The following CSMD1 variants were observed in gnomAD, a reference collection of about 807,000 sequenced individuals.
CSMD1 encodes CUB and Sushi multiple domains 1, also known as CUB and sushi domain-containing protein 1.
Under a neutral mutation model 417.5 loss-of-function variants are expected in CSMD1, and 213 were observed. That is an observed-to-expected ratio of 0.51 (90% CI 0.46 to 0.57). The LOEUF (loss-of-function observed/expected upper bound fraction) is 0.57, where lower values mean the gene tolerates loss of function less well. CSMD1 is among the 20% of genes least tolerant of loss of function. CSMD1 has a pLI of 0.00. For missense variants in CSMD1, 6,923 were observed against 4,529.7 expected (o/e 1.53, Z -15.17); for synonymous variants, 2,862 against 1,736.8 (o/e 1.65, Z -16.11).
At chr8:4,932,949 A>T (rs923249230) in intron 1 of CSMD1, among the ~76,000 whole-genome samples, 2 of 152,206 alleles carry the variant, frequency 1.3e-5, no homozygotes, top group African/African-American at 4.8e-5. Flanking sequence ...CATAACATGT[A>T]TCTAGCCAAA....
At position 3,804,105 on chromosome 8, in the gene CSMD1, T is replaced by A. The variant is rs1014326044; in HGVS notation, c.819-50063A>T. ...CCACATCCAGCTATTTTTTTTGTTA[T>A]ATTTTTAGTAGAGACAGGGTTTCAC... On this transcript the variant is annotated intron_variant, in intron 5 of 69. Coordinates refer to ENST00000635120, the MANE Select transcript of CSMD1 (RefSeq NM_033225.6). Among the ~76,000 whole-genome samples, 44 of 152,100 alleles carry A rather than the reference T, an allele frequency of 2.9e-4. 1 individual carries two copies. The highest frequency in any genetic ancestry group is 3.4e-3 in the Middle Eastern group (1 of 294).
intron 5 of CSMD1, among the ~76,000 whole-genome samples, chr8:3,873,211 C>G (rs1219948767): frequency 6.6e-6 from 1 of 152,048 alleles, no homozygotes; most frequent in Non-Finnish European, 1.5e-5. Context: ...GGCTATGTAG[C>G]CAAAGGAACA....
chr8:3,640,644 A>C (rs1797260311), intron 7 of CSMD1, among the ~76,000 whole-genome samples: 1 of 152,244 alleles, frequency 6.6e-6, no homozygotes, highest in Non-Finnish European at 1.5e-5. Flanking sequence ...TACGTAAATT[A>C]GATATTCCTT....
At position 3,434,819 on chromosome 8, in the gene CSMD1, T is replaced by G. The variant is rs543471625; in HGVS notation, c.1562-25214A>C. ...CTTACACTTCTCGCCTATATTTCTATGAGTCAGAGTGCTGGCAGGAAGTGG... is the reference window on the plus strand; with the variant it reads ...CTTACACTTCTCGCCTATATTTCTAGGAGTCAGAGTGCTGGCAGGAAGTGG... On this transcript the variant is annotated intron_variant, in intron 12 of 69. Transcript: ENST00000635120. Among the ~76,000 whole-genome samples, 4 of 152,308 alleles carry G rather than the reference T, an allele frequency of 2.6e-5. No homozygotes were observed. In the East Asian group the frequency reaches 7.7e-4, roughly 29 times the overall value.
In CSMD1 at chr8:3,348,071, T is replaced by G; in HGVS notation, c.3395A>C (p.Tyr1132Ser). ...CTTGCCGGCTTCTGTTTCTATTTTA[T>G]AGATACACTCATGGTTATTATCATA... is the stretch of plus-strand genomic sequence containing the variant. ...SNYDNNHECI[Y>S]KIETEAGKGI... is the part of the protein sequence containing the mutation. Residue 1132 changes from tyrosine (Y) to serine (S), a missense_variant, in exon 22 of 70, where the codon TAT becomes TCT. Coordinates refer to ENST00000635120, the MANE Select transcript of CSMD1 (RefSeq NM_033225.6). 6.2e-7 allele frequency: 1 copy of G among 1,612,864 alleles called. No individual in the cohort carries two copies. Among genetic ancestry groups the G allele is most frequent in the Non-Finnish European group, 8.5e-7 (1 of 1,179,304 alleles).
chr8:3,813,523 C>A (rs1036535140), intron 5 of CSMD1, among the ~76,000 whole-genome samples: 2 of 152,136 alleles, frequency 1.3e-5, no homozygotes, highest in African/African-American at 4.8e-5. Flanking sequence ...AATATGAAGA[C>A]TGATCCATCT....
intron 1 of CSMD1, among the ~76,000 whole-genome samples, chr8:4,860,624 A>T (rs1240296009): frequency 6.6e-6 from 1 of 152,098 alleles, no homozygotes; most frequent in African/African-American, 2.4e-5. Context: ...CCAGTCTCTG[A>T]CATATTTCTT....
intron 4 of CSMD1, among the ~76,000 whole-genome samples, chr8:4,029,062 A>G (rs1004260808): frequency 6.6e-6 from 1 of 152,242 alleles, no homozygotes; most frequent in African/African-American, 2.4e-5. Flanking sequence ...GAAGACTGAC[A>G]GTGTTGAAAG....
intron 25 of CSMD1, among the ~76,000 whole-genome samples, chr8:3,298,947 T>C (rs188617145): frequency 3.9e-5 from 6 of 152,286 alleles, no homozygotes; most frequent in African/African-American, 1.2e-4. Flanking sequence ...GTTTTTATGC[T>C]ATATGCTAAT....
At chr8:4,416,989 C>T (rs1381243139) in intron 3 of CSMD1, among the ~76,000 whole-genome samples, 1 of 152,020 alleles carries the variant, frequency 6.6e-6, no homozygotes. Flanking sequence ...AGCTATGCAA[C>T]TATGTTGGTT....
intron 3 of CSMD1, among the ~76,000 whole-genome samples, chr8:4,281,480 G>T (rs1366389169): frequency 2.6e-5 from 4 of 152,160 alleles, no homozygotes; most frequent in African/African-American, 9.7e-5. Context: ...CCAACCTTCT[G>T]TTTCAAATTT....
chr8:4,477,665 A>G (rs564257294), intron 2 of CSMD1, among the ~76,000 whole-genome samples: 57 of 152,290 alleles, frequency 3.7e-4, no homozygotes, highest in Non-Finnish European at 6.3e-4. Flanking sequence ...GGGTACTGGA[A>G]GTGACGCAAG....
At chr8:3,988,149 T>C (rs1321483185) in intron 5 of CSMD1, among the ~76,000 whole-genome samples, 1 of 152,118 alleles carries the variant, frequency 6.6e-6, no homozygotes, top group Non-Finnish European at 1.5e-5. Flanking sequence ...GCTGGGCAGT[T>C]GGGCTGGTTC....
At chr8:4,134,459 G>C (rs550382524) in intron 3 of CSMD1, among the ~76,000 whole-genome samples, 2 of 152,176 alleles carry the variant, frequency 1.3e-5, no homozygotes, top group Non-Finnish European at 2.9e-5. Flanking sequence ...AGAAAGACCT[G>C]AGGAGATACC....
intron 1 of CSMD1, among the ~76,000 whole-genome samples, chr8:4,720,837 A>G (rs1336345223): frequency 1.3e-5 from 2 of 152,214 alleles, no homozygotes; most frequent in African/African-American, 4.8e-5. Flanking sequence ...ACACAGAAGG[A>G]AAGTCTAGAA....
At chr8:4,056,552 T>C (rs1466258233) in intron 3 of CSMD1, among the ~76,000 whole-genome samples, 3 of 152,082 alleles carry the variant, frequency 2.0e-5, no homozygotes, top group Non-Finnish European at 4.4e-5. Context: ...ATTATTATTA[T>C]AGTTTAAGTT....
At chr8:4,303,571 C>G (rs781300837) in intron 3 of CSMD1, among the ~76,000 whole-genome samples, 2 of 151,810 alleles carry the variant, frequency 1.3e-5, no homozygotes. Flanking sequence ...TTCTCAGCAG[C>G]GTTGGTGACT....
At chr8:4,089,221 C>A (rs537384743) in intron 3 of CSMD1, among the ~76,000 whole-genome samples, 10 of 152,232 alleles carry the variant, frequency 6.6e-5, no homozygotes, top group Non-Finnish European at 1.3e-4. Context: ...CCTATAAGCT[C>A]CATAAGGACA....
chr8:4,990,880 G>C (rs942253376), intron 1 of CSMD1, among the ~76,000 whole-genome samples: 2 of 152,258 alleles, frequency 1.3e-5, no homozygotes, highest in East Asian at 3.9e-4. Context: ...CCTCTCTCGC[G>C]GTGGAGTTAC....
Sources: allele counts gnomAD v4.1 joint callset (sites outside exome capture counted in the v4.1 genomes callset), GRCh38; gene constraint gnomAD v4.1.1; transcripts MANE v1.5; gene names NCBI Gene and HGNC (gene_info 2026-07-23, HGNC 2026-07-21).